Variants in GRM7 observed in about 807,000 individuals in gnomAD.
GRM7 encodes the protein glutamate metabotropic receptor 7, also known as metabotropic glutamate receptor 7.
A neutral mutation model predicts 84.5 loss-of-function variants in GRM7; 35 were observed. The ratio of observed to expected loss-of-function variants is 0.41; its 90% CI spans 0.32 to 0.55. The LOEUF (loss-of-function observed/expected upper bound fraction) is 0.55, where lower values mean the gene tolerates loss of function less well. Among genes scored for constraint, GRM7 ranks in the 20% least tolerant of loss-of-function variants. The pLI, the probability that GRM7 is intolerant of heterozygous loss-of-function variation, is 0.19. For synonymous variants in GRM7, 487 were observed against 455.1 expected, an observed-to-expected ratio of 1.07 and a Z score of -0.89; for missense variants, 1,003 against 1,194.6, an observed-to-expected ratio of 0.84 and a Z score of 2.36.
At chr3:7,235,233 G>A (rs1387615565) in intron 2 of GRM7, among the ~76,000 whole-genome samples, 1 of 152,150 alleles carries the variant, frequency 6.6e-6, no homozygotes, top group Non-Finnish European at 1.5e-5. Flanking sequence ...TGTCCTGAGT[G>A]TTTGTACAGA....
intron 5 of GRM7, among the ~76,000 whole-genome samples, chr3:7,452,255 T>C (rs1400325619): frequency 1.0e-5 from 1 of 99,658 alleles, no homozygotes; most frequent in Non-Finnish European, 2.0e-5. Context: ...TTTTCTGTCA[T>C]TATCCATTTG....
chr3:7,643,594 ACT>A (rs958006500), intron 8 of GRM7, among the ~76,000 whole-genome samples: 1 of 152,156 alleles, frequency 6.6e-6, no homozygotes. Context: ...CAGGTTAGGG[ACT>A]CTATCTTAAA....
At chr3:7,670,531 T>C (rs1446306497) in intron 8 of GRM7, among the ~76,000 whole-genome samples, 1 of 152,218 alleles carries the variant, frequency 6.6e-6, no homozygotes, top group East Asian at 1.9e-4. Context: ...CCTTTACAAG[T>C]TGAATAGGCC....
chr3:7,461,887 G>A (rs560311191), intron 7 of GRM7, among the ~76,000 whole-genome samples, 165 bp downstream of exon 7: 1 of 152,222 alleles, frequency 6.6e-6, no homozygotes, highest in East Asian at 1.9e-4. Flanking sequence ...AATAATGATG[G>A]TGATGACGAT....
intron 2 of GRM7, among the ~76,000 whole-genome samples, chr3:7,276,528 T>A (rs543698555): frequency 6.6e-6 from 1 of 151,926 alleles, no homozygotes; most frequent in Non-Finnish European, 1.5e-5. Flanking sequence ...TTTAGTACTA[T>A]AGCATGCTTC....
intron 9 of GRM7, among the ~76,000 whole-genome samples, chr3:7,713,124 G>GTTTTTTTTTTTTTTTTTTT (rs5846535): frequency 1.0e-5 from 1 of 97,124 alleles, no homozygotes; most frequent in African/African-American, 3.7e-5. Context: ...ATTTTGTTTT[G>GTTTTTTTTTTTTTTTTTTT]TTTTTTTTTT....
intron 3 of GRM7, among the ~76,000 whole-genome samples, chr3:7,303,971 C>T (rs140162365): frequency 1.3e-5 from 2 of 150,464 alleles, no homozygotes; most frequent in Admixed American, 6.6e-5. Context: ...AAAACTTTTT[C>T]ATGTGTTTTA....
At chr3:7,190,224 T>C (rs1300122339) in intron 2 of GRM7, among the ~76,000 whole-genome samples, 1 of 152,166 alleles carries the variant, frequency 6.6e-6, no homozygotes, top group Non-Finnish European at 1.5e-5. Context: ...TTATTTAGTA[T>C]GCGCAGTTTC....
chr3:7,580,742 C>T (rs59880622), intron 8 of GRM7, among the ~76,000 whole-genome samples: 13,872 of 152,098 alleles, frequency 0.091, 721 homozygotes, highest in African/African-American at 0.14. Flanking sequence ...CTAAAATATA[C>T]GCTCAATAAG....
At chr3:6,902,357 C>T (rs931485325) in intron 1 of GRM7, among the ~76,000 whole-genome samples, 2 of 152,086 alleles carry the variant, frequency 1.3e-5, no homozygotes, top group African/African-American at 4.8e-5. Context: ...TTTAGGCAAC[C>T]ACAATGTCTG....
intron 1 of GRM7, among the ~76,000 whole-genome samples, chr3:7,002,159 G>A (rs1695034622): frequency 6.6e-6 from 1 of 152,112 alleles, no homozygotes; most frequent in South Asian, 2.1e-4. Flanking sequence ...TTTGAAGATT[G>A]AATTATTAGG....
intron 5 of GRM7, among the ~76,000 whole-genome samples, chr3:7,424,173 C>G (rs1031931086): frequency 7.2e-5 from 11 of 151,986 alleles, no homozygotes; most frequent in Non-Finnish European, 1.3e-4. Flanking sequence ...TGGGCTCATT[C>G]ACAAGAATTA....
intron 1 of GRM7, among the ~76,000 whole-genome samples, chr3:7,046,661 T>G (rs1204852723): frequency 6.6e-6 from 1 of 152,104 alleles, no homozygotes; most frequent in South Asian, 2.1e-4. Flanking sequence ...CTCTGAGAGG[T>G]TTACTCTAAG....
chr3:7,148,469 G>C (rs1694177355), intron 2 of GRM7, among the ~76,000 whole-genome samples: 1 of 152,122 alleles, frequency 6.6e-6, no homozygotes, highest in Non-Finnish European at 1.5e-5. Flanking sequence ...TTCTGTTACA[G>C]GATTTACAGT....
At chr3:7,540,991 G>A (rs954621701) in intron 7 of GRM7, among the ~76,000 whole-genome samples, 9 of 152,106 alleles carry the variant, frequency 5.9e-5, no homozygotes, top group Non-Finnish European at 1.0e-4. Context: ...TGTTAATAAA[G>A]CTTGGAAACA....
intron 4 of GRM7, among the ~76,000 whole-genome samples, chr3:7,367,021 T>C (rs1275881230): frequency 3.3e-5 from 5 of 151,886 alleles, no homozygotes; most frequent in African/African-American, 1.2e-4. Context: ...CTTGTAGGAA[T>C]ATAATAAAGT....
Position 7,106,752 on chromosome 3 carries a change from G to T in GRM7, c.520-39700G>T, listed in dbSNP as rs181119258. 3.1e-3 allele frequency among the ~76,000 whole-genome samples: 472 copies of T among 152,154 alleles called. 3 individuals carry two copies. Among genetic ancestry groups the T allele is most frequent in the Non-Finnish European group, 3.5e-3 (241 of 67,954 alleles). ...CTTTCAGTTGCTGGACAAACTATTT[G>T]TGAGATAAACTTGGAACAGTGATCT... is the stretch of plus-strand genomic sequence containing the variant. On this transcript the variant is annotated intron_variant, in intron 1 of 9. Transcript: ENST00000357716.
chr3:7,160,133 T>A (rs1387337168), intron 2 of GRM7, among the ~76,000 whole-genome samples: 1 of 152,124 alleles, frequency 6.6e-6, no homozygotes, highest in Non-Finnish European at 1.5e-5. Context: ...GGTCTTGATA[T>A]TTGGCTGCCC....
intron 2 of GRM7, among the ~76,000 whole-genome samples, chr3:7,150,069 ATG>A (rs143326868): frequency 0.019 from 2,739 of 143,338 alleles, 68 homozygotes; most frequent in African/African-American, 0.064. Context: ...GTATACATAT[ATG>A]TGTGTGTGTG....
Sources: gnomAD v4.1 joint callset for allele counts (sites outside exome capture counted in the v4.1 genomes callset) on GRCh38, gnomAD v4.1.1 for gene constraint, MANE v1.5 for transcripts, NCBI Gene and HGNC (gene_info 2026-07-23, HGNC 2026-07-21) for gene names.